CASS4: variants seen among roughly 807,000 people sequenced by gnomAD.
CASS4 encodes the protein Cas scaffold protein family member 4, also known as cas scaffolding protein family member 4.
In CASS4, 22 loss-of-function variants were observed where a neutral mutation model predicts 54.2. The observed-to-expected ratio is 0.41, with a 90% CI of 0.29 to 0.58. The LOEUF is 0.58. CASS4 is among the 20% of genes least tolerant of loss of function. The pLI is 0.36. For missense variants in CASS4, 854 were observed against 986.7 expected, an observed-to-expected ratio of 0.87 and a Z score of 1.80; for synonymous variants, 409 against 391.5, an observed-to-expected ratio of 1.04 and a Z score of -0.53.
intron 1 of CASS4, among the ~76,000 whole-genome samples, chr20:56,431,994 C>T (rs1167711202): frequency 6.6e-6 from 1 of 152,100 alleles, no homozygotes; most frequent in African/African-American, 2.4e-5. Flanking sequence ...ATAAAATGAA[C>T]TCATGTCAAA....
At chr20:56,428,801 G>A (rs117524862) in intron 1 of CASS4, among the ~76,000 whole-genome samples, 2,558 of 152,302 alleles carry the variant, frequency 0.017, 41 homozygotes, top group South Asian at 0.032. Context: ...ATGGATGCGA[G>A]TTTGAATCCC....
At position 56,443,464 on chromosome 20, in the gene CASS4, G is replaced by A. The variant is rs530300603; in HGVS notation, c.460-2436G>A. Among the ~76,000 whole-genome samples, 14 of 84,328 alleles carry A rather than the reference G, an allele frequency of 1.7e-4. No individual in the cohort carries two copies. The East Asian group carries it at 0.012, about 73-fold the overall frequency. The allele number at this position is 84,328 out of a possible 152,430, so 55.3% of individuals were successfully genotyped here. A position where few individuals can be genotyped will look rare whatever the true frequency, so the allele number is the denominator to read the frequency against. ...AGCCTGGGTGACAGAGCGAGACTCC[G>A]TCTCCAAAAAAAAAAAGAAGCTTGG... On this transcript the variant is annotated intron_variant, in intron 2 of 5. Coordinates refer to ENST00000679887, the MANE Select transcript of CASS4 (RefSeq NM_020356.4).
At chr20:56,417,825 TCAGCCTGTTCTCTTGA>T (rs1979219208) in intron 1 of CASS4, among the ~76,000 whole-genome samples, 1 of 152,230 alleles carries the variant, frequency 6.6e-6, no homozygotes. Flanking sequence ...AAGCTGCCAC[TCAGCCTGTTCTCTTGA>T]CAATTGTCCC....
At chr20:56,450,304 G>A (rs907060955) in intron 3 of CASS4, among the ~76,000 whole-genome samples, 47 of 152,126 alleles carry the variant, frequency 3.1e-4, no homozygotes, top group African/African-American at 1.1e-3. Context: ...GATTACAGGC[G>A]TGAGCCACCA....
At chr20:56,416,392 G>A (rs1979138244) in intron 1 of CASS4, among the ~76,000 whole-genome samples, 1 of 152,216 alleles carries the variant, frequency 6.6e-6, no homozygotes, top group South Asian at 2.1e-4. Context: ...TAAAAGACAA[G>A]GAGGATAAGT....
rs199808780 is a variant in CASS4 at position 56,452,021 on chromosome 20, C to G, written c.845C>G (p.Pro282Arg). Residue 282 changes from proline to arginine, a missense_variant, in exon 5 of 6, where the codon CCT (proline) becomes CGT (arginine). By Grantham distance (103) the Pro-to-Arg change is moderately radical. Transcript: ENST00000679887. Reference sequence around the variant, plus strand: ...AGTTCCAGCTCCACTTTCTACAATCCTCCAAGTGGCAGATCCAGGTCCCTC... The same window carrying G: ...AGTTCCAGCTCCACTTTCTACAATCGTCCAAGTGGCAGATCCAGGTCCCTC... ...LPSSSSTFYN[P>R]PSGRSRSLTP... 6.2e-7 allele frequency: 1 copy of G among 1,614,220 alleles called. No individual in the cohort carries two copies.
chr20:56,450,511 A>G (rs1281485495), intron 3 of CASS4, 88 bp from the exon 4 acceptor site: 8 of 1,236,162 alleles, frequency 6.5e-6, no homozygotes, highest in African/African-American at 4.5e-5. Context: ...CTTCCTTTGG[A>G]AAAAAACACT....
chr20:56,446,784 T>C (rs1467170374), intron 3 of CASS4, among the ~76,000 whole-genome samples: 2 of 152,144 alleles, frequency 1.3e-5, no homozygotes, highest in African/African-American at 4.8e-5. Context: ...CAGGTCTAGA[T>C]GGGGCCCAAA....
Position 56,430,116 on chromosome 20 carries a change from G to A in CASS4, c.37-7048G>A, listed in dbSNP as rs925209223. On this transcript the variant is annotated intron_variant, in intron 1 of 5. Transcript: ENST00000679887. The surrounding 1 kb of genome is among the most constrained non-coding windows in gnomAD (Gnocchi z 4.2). Reference sequence around the variant, plus strand: ...TGGTGAATGAATGAATGAATGAATTGCTCCCCAGATTTCTCCAAGTGCAGC... The same window carrying A: ...TGGTGAATGAATGAATGAATGAATTACTCCCCAGATTTCTCCAAGTGCAGC... Among the ~76,000 whole-genome samples, 3 of 152,166 alleles carry A rather than the reference G, an allele frequency of 2.0e-5. No individual in the cohort carries two copies. The highest frequency in any genetic ancestry group is 2.0e-4 in the Admixed American group (3 of 15,282).
chr20:56,429,307 G>C (rs1979794806), intron 1 of CASS4, among the ~76,000 whole-genome samples: 1 of 152,062 alleles, frequency 6.6e-6, no homozygotes, highest in South Asian at 2.1e-4. Context: ...CTGCAGTTAT[G>C]CTCCTGCTCT....
chr20:56,418,884 C>T (rs1225118321), intron 1 of CASS4, among the ~76,000 whole-genome samples: 1 of 152,158 alleles, frequency 6.6e-6, no homozygotes, highest in Non-Finnish European at 1.5e-5. Flanking sequence ...GGTCCCCTTT[C>T]TCCATATGTA....
intron 1 of CASS4, among the ~76,000 whole-genome samples, chr20:56,416,559 A>G (rs1475262065): frequency 2.8e-5 from 4 of 144,794 alleles, no homozygotes; most frequent in Non-Finnish European, 4.6e-5. Flanking sequence ...GTGTGTGTGT[A>G]TGCACACATG....
intron 2 of CASS4, among the ~76,000 whole-genome samples, chr20:56,445,478 C>G (rs1309793741): frequency 6.6e-6 from 1 of 152,230 alleles, no homozygotes; most frequent in Non-Finnish European, 1.5e-5. Flanking sequence ...CTCAGCCTAG[C>G]TAGATGAATG....
At chr20:56,415,777 G>A (rs1270730513) in intron 1 of CASS4, among the ~76,000 whole-genome samples, 4 of 152,176 alleles carry the variant, frequency 2.6e-5, no homozygotes, top group Admixed American at 2.0e-4. Flanking sequence ...GACTGTTCTC[G>A]CAAGCTGTTC....
At chr20:56,433,880 G>A (rs942873035) in intron 1 of CASS4, among the ~76,000 whole-genome samples, 4 of 152,070 alleles carry the variant, frequency 2.6e-5, no homozygotes, top group Non-Finnish European at 4.4e-5. Context: ...TTTTTCTATG[G>A]AAAAATGAGT....
Position 56,452,838 on chromosome 20 carries a change from C to G in CASS4, c.1662C>G (p.Asn554Lys), listed in dbSNP as rs142811598. The G allele has an allele frequency of 1.9e-6, 3 of 1,614,082 alleles. No homozygotes were observed. Among genetic ancestry groups the G allele is most frequent in the Non-Finnish European group, 2.5e-6 (3 of 1,180,018 alleles). Residue 554 changes from asparagine to lysine, a missense_variant, in exon 5 of 6, where the codon AAC becomes AAG. By Grantham distance (94) the Asn-to-Lys change is moderately conservative. Coordinates refer to ENST00000679887, the MANE Select transcript of CASS4 (RefSeq NM_020356.4). ...LEVLVTDSVQNSPDDLERFVM... is the reference protein window; with the variant it reads ...LEVLVTDSVQKSPDDLERFVM... Reference sequence around the variant, plus strand: ...TTCTTGTGACTGACAGTGTCCAGAACAGCCCAGATGACCTTGAGAGGTTTG... The same window carrying G: ...TTCTTGTGACTGACAGTGTCCAGAAGAGCCCAGATGACCTTGAGAGGTTTG...
Position 56,412,438 on chromosome 20 carries a change from G to C in CASS4, c.-21G>C, listed in dbSNP as rs755654980. 6.8e-6 allele frequency: 11 copies of C among 1,611,628 alleles called. No individual in the cohort carries two copies. The highest frequency in any genetic ancestry group is 8.5e-6 in the Non-Finnish European group (10 of 1,178,942). On this transcript the variant is annotated 5_prime_UTR_variant, in exon 1 of 6. Transcript: ENST00000679887. This position sits in a 1 kb window ranked among gnomAD's most constrained non-coding sequence, Gnocchi z 4.2. Reference sequence around the variant, plus strand: ...GAGATACTAGCTGCAGAGCTCAGGGGAGCTGCTCCACATCACCGACATGAA... The same window carrying C: ...GAGATACTAGCTGCAGAGCTCAGGGCAGCTGCTCCACATCACCGACATGAA...
Position 56,452,860 on chromosome 20 carries a change from T to C in CASS4, c.1684T>C (p.Phe562Leu), listed in dbSNP as rs753246501. Residue 562 changes from phenylalanine (F) to leucine (L), a missense_variant, in exon 5 of 6, where the codon TTT becomes CTT. Phe to Leu is a conservative substitution (Grantham distance 22). Transcript: ENST00000679887. Reference sequence around the variant, plus strand: ...GAACAGCCCAGATGACCTTGAGAGGTTTGTCATGGTGGCACGGATGCTTCC... The same window carrying C: ...GAACAGCCCAGATGACCTTGAGAGGCTTGTCATGGTGGCACGGATGCTTCC... ...VQNSPDDLER[F>L]VMVARMLPED... is the part of the protein sequence containing the mutation. The C allele has an allele frequency of 1.9e-6, 3 of 1,613,812 alleles. No homozygotes were observed. In the South Asian group the frequency reaches 3.3e-5, roughly 18 times the overall value.
intron 1 of CASS4, among the ~76,000 whole-genome samples, chr20:56,428,819 C>T (rs1016981419): frequency 6.6e-6 from 1 of 152,188 alleles, no homozygotes; most frequent in African/African-American, 2.4e-5. Flanking sequence ...CCCTGCTCTG[C>T]TACCTGCTGC....
Sources: allele counts gnomAD v4.1 joint callset (sites outside exome capture counted in the v4.1 genomes callset), GRCh38; gene constraint gnomAD v4.1.1; non-coding constraint Gnocchi (gnomAD v3.1); transcripts MANE v1.5; gene names NCBI Gene and HGNC (gene_info 2026-07-23, HGNC 2026-07-21).